The following BCAS3 variants were observed in gnomAD, a reference collection of about 807,000 sequenced individuals.
The protein encoded by BCAS3 is BCAS3 microtubule associated cell migration factor.
A neutral mutation model predicts 116.1 loss-of-function variants in BCAS3; 53 were observed. The observed-to-expected ratio is 0.46, with a 90% confidence interval of 0.37 to 0.57. The LOEUF is 0.57. Ranked by LOEUF, BCAS3 falls within the 20% of genes least tolerant of loss-of-function variation. BCAS3 has a pLI of 0.00. For synonymous variants in BCAS3, 391 were observed against 408.2 expected (o/e 0.96, Z 0.51); for missense variants, 917 against 1,165.4 (o/e 0.79, Z 3.10).
chr17:61,294,572 T>C (rs562647115), intron 22 of BCAS3, among the ~76,000 whole-genome samples: 1 of 152,316 alleles, frequency 6.6e-6, no homozygotes, highest in African/African-American at 2.4e-5. Flanking sequence ...CAGGTGTTGG[T>C]GGGCAAACTG....
chr17:60,838,315 G>A (rs1468819398), intron 7 of BCAS3, among the ~76,000 whole-genome samples: 2 of 152,130 alleles, frequency 1.3e-5, no homozygotes, highest in East Asian at 1.9e-4. Context: ...ATAGCACAGC[G>A]TGTACCAAGG....
intron 22 of BCAS3, among the ~76,000 whole-genome samples, chr17:61,117,601 GAATAAGTA>G (rs1412862546): frequency 1.3e-5 from 2 of 152,168 alleles, no homozygotes; most frequent in Non-Finnish European, 2.9e-5. Flanking sequence ...TCTCAAAAAT[GAATAAGTA>G]AATAAGTAAA....
Position 61,313,539 on chromosome 17 carries a change from G to A in BCAS3, c.2426-54788G>A, listed in dbSNP as rs926568303. Among the ~76,000 whole-genome samples, 1 of 152,188 alleles carries A rather than the reference G, an allele frequency of 6.6e-6. No individual in the cohort carries two copies. The highest frequency in any genetic ancestry group is 2.4e-5 in the African/African-American group (1 of 41,446). On this transcript the variant is annotated intron_variant, in intron 22 of 23. Coordinates refer to ENST00000407086, the MANE Select transcript of BCAS3 (RefSeq NM_017679.5). The surrounding 1 kb of genome is among the most constrained non-coding windows in gnomAD (Gnocchi z 4.3). ...AGAATAACCCCACAGGAGAGGCCTG[G>A]CTGAACGGGGATTTGTGTGGGCCAG...
intron 4 of BCAS3, among the ~76,000 whole-genome samples, chr17:60,692,052 CAAAA>C (rs773823418): frequency 9.1e-6 from 1 of 109,890 alleles, no homozygotes. Flanking sequence ...AACTCTGTCT[CAAAA>C]AAAAAAAAAA....
rs2065758959 is a variant in BCAS3, at chr17:61,019,976, T to A, written c.1637+4075T>A. 6.6e-6 allele frequency among the ~76,000 whole-genome samples: 1 copy of A among 152,236 alleles called. No homozygotes were observed. Among genetic ancestry groups the A allele is most frequent in the South Asian group, 2.1e-4 (1 of 4,838 alleles). On this transcript the variant is annotated intron_variant, in intron 16 of 23. Coordinates refer to ENST00000407086, the MANE Select transcript of BCAS3 (RefSeq NM_017679.5). The surrounding 1 kb of genome is among the most constrained non-coding windows in gnomAD (Gnocchi z 5.6). Reference sequence around the variant, plus strand: ...GAAAGAGAACACAGAGTGACCCACTTATAGACAGGTAAATTATATTCTGTT... The same window carrying A: ...GAAAGAGAACACAGAGTGACCCACTAATAGACAGGTAAATTATATTCTGTT...
chr17:60,709,425 C>T lies in BCAS3; in HGVS notation c.321+100C>T, dbSNP rs2037580303. 4 of 713,028 alleles carry T rather than the reference C, an allele frequency of 5.6e-6. No individual in the cohort carries two copies. In the Admixed American group the frequency reaches 7.9e-5, roughly 14 times the overall value. The allele number at this position is 713,028 out of a possible 1,614,324, so 44.2% of individuals were successfully genotyped here. A position where few individuals can be genotyped will look rare whatever the true frequency, so the allele number is the denominator to read the frequency against. ...TTTTTTTTTGAGACAGAGTCTCACT[C>T]TTCGCCCAGGCTGGAATGCAGTGGT... On this transcript the variant is annotated intron_variant, in intron 5 of 23. Transcript: ENST00000407086.
At position 61,391,782 on chromosome 17, in the gene BCAS3, CTTTCCCT is replaced by C; in HGVS notation, c.2594-194_2594-188del. On this transcript the variant is annotated intron_variant, in intron 23 of 23. Coordinates refer to ENST00000407086, the MANE Select transcript of BCAS3 (RefSeq NM_017679.5). The surrounding 1 kb of genome is among the most constrained non-coding windows in gnomAD (Gnocchi z 7.7). The stretch of plus-strand genomic sequence containing the variant: ...ACACCAGAGTCTGCCAGCCAGGGGG[CTTTCCCT>C]CCCCTGGCTGAGCCTTCCTGTGACC... 1.6e-6 allele frequency: 1 copy of C among 627,618 alleles called. No homozygotes were observed. Among genetic ancestry groups the C allele is most frequent in the Non-Finnish European group, 2.8e-6 (1 of 357,566 alleles). 38.9% of individuals were successfully genotyped at this position (627,618 alleles called of 1,614,324 possible).
chr17:60,700,738 A>C (rs1187491104), intron 4 of BCAS3, among the ~76,000 whole-genome samples: 1 of 152,208 alleles, frequency 6.6e-6, no homozygotes, highest in Non-Finnish European at 1.5e-5. Flanking sequence ...TAAGGAATAA[A>C]TGGTGACCAT....
At chr17:60,953,521 G>T (rs2060954940) in intron 14 of BCAS3, among the ~76,000 whole-genome samples, 1 of 152,008 alleles carries the variant, frequency 6.6e-6, no homozygotes, top group Non-Finnish European at 1.5e-5. Context: ...TAGATTGTCT[G>T]TTTACTATGT....
chr17:61,156,742 A>T lies in BCAS3; in HGVS notation c.2425+72178A>T, dbSNP rs16944908. On this transcript the variant is annotated intron_variant, in intron 22 of 23. Transcript: ENST00000407086. This position sits in a 1 kb window ranked among gnomAD's most constrained non-coding sequence, Gnocchi z 4.7. ...AATAATTGTTTCTATCCTGCTATAA[A>T]CCATAAGTAACTCCTAAAAAAATTC... 3.0e-3 allele frequency among the ~76,000 whole-genome samples: 463 copies of T among 152,262 alleles called. 2 individuals are homozygous for T. The highest frequency in any genetic ancestry group is 0.011 in the African/African-American group (447 of 41,534).
At chr17:60,712,939 C>T (rs1241441020) in intron 5 of BCAS3, among the ~76,000 whole-genome samples, 1 of 152,010 alleles carries the variant, frequency 6.6e-6, no homozygotes, top group Non-Finnish European at 1.5e-5. Flanking sequence ...GGAAGTGGGA[C>T]CTGAGCAGAG....
At chr17:61,340,625 C>T (rs1211279748) in intron 22 of BCAS3, among the ~76,000 whole-genome samples, 6 of 152,112 alleles carry the variant, frequency 3.9e-5, no homozygotes, top group South Asian at 2.1e-4. Context: ...TGAGTCGCTG[C>T]GGGGGACGGG....
chr17:60,973,581 TTATTAATA>T lies in BCAS3; in HGVS notation c.1222-16386_1222-16379del, dbSNP rs1364222271. ...TGCCCTAGACATTGCTATTACCTTA[TTATTAATA>T]TATATATATATATATATATGTATGA... On this transcript the variant is annotated intron_variant, in intron 14 of 23. Coordinates refer to ENST00000407086, the MANE Select transcript of BCAS3 (RefSeq NM_017679.5). Among the ~76,000 whole-genome samples the T allele has an allele frequency of 7.3e-4, 98 of 134,888 alleles. 6 individuals carry two copies. The highest frequency in any genetic ancestry group is 3.4e-3 in the African/African-American group (93 of 27,744). The allele number at this position is 134,888 out of a possible 152,430, so 88.5% of individuals were successfully genotyped here.
At chr17:61,067,072 T>C (rs1470831769) in intron 19 of BCAS3, among the ~76,000 whole-genome samples, 1 of 151,520 alleles carries the variant, frequency 6.6e-6, no homozygotes, top group African/African-American at 2.4e-5. Context: ...TAAAATTCTT[T>C]ACACATTGAT....
chr17:61,069,103 A>T (rs1248460025), intron 19 of BCAS3, among the ~76,000 whole-genome samples: 1 of 152,206 alleles, frequency 6.6e-6, no homozygotes, highest in Non-Finnish European at 1.5e-5. Flanking sequence ...ATTAAAAAAC[A>T]AAAAACCAAA....
chr17:60,771,462 C>G (rs974920985), intron 6 of BCAS3, among the ~76,000 whole-genome samples: 1 of 152,054 alleles, frequency 6.6e-6, no homozygotes, highest in African/African-American at 2.4e-5. Context: ...TACCTTAAAT[C>G]AAATCAAACT....
At chr17:61,270,183 G>T (rs1331856135) in intron 22 of BCAS3, among the ~76,000 whole-genome samples, 1 of 144,356 alleles carries the variant, frequency 6.9e-6, no homozygotes, top group Non-Finnish European at 1.5e-5. Flanking sequence ...GCGATGGTGC[G>T]ATCCCGGCTT....
intron 18 of BCAS3, among the ~76,000 whole-genome samples, chr17:61,038,542 C>T (rs368494487): frequency 5.3e-5 from 8 of 151,884 alleles, no homozygotes; most frequent in African/African-American, 1.7e-4. Flanking sequence ...CGTGAGCAAC[C>T]GTGCTGGCCC....
intron 22 of BCAS3, among the ~76,000 whole-genome samples, chr17:61,242,841 CTTTA>C (rs2047632006): frequency 1.4e-5 from 1 of 73,384 alleles, no homozygotes; most frequent in South Asian, 8.3e-4. Context: ...AAATGGAATT[CTTTA>C]AAAAAAAACA....
Sources: allele counts gnomAD v4.1 joint callset (sites outside exome capture counted in the v4.1 genomes callset), GRCh38; gene constraint gnomAD v4.1.1; non-coding constraint Gnocchi (gnomAD v3.1); transcripts MANE v1.5; gene names NCBI Gene and HGNC (gene_info 2026-07-23, HGNC 2026-07-21).